Variants in SDC2 observed in about 807,000 individuals in gnomAD.
SDC2 encodes the protein syndecan 2.
In SDC2, 13 loss-of-function variants were observed where a neutral mutation model predicts 22.2. The observed-to-expected ratio is 0.59, with a 90% CI of 0.38 to 0.93. The LOEUF is 0.93. Ranked by LOEUF, SDC2 falls within the 40% of genes least tolerant of loss-of-function variation. The pLI, the probability that SDC2 is intolerant of heterozygous loss-of-function variation, is 0.00. For missense variants in SDC2, 235 were observed against 246.8 expected, an observed-to-expected ratio of 0.95 and a Z score of 0.32; for synonymous variants, 94 against 92.8, an observed-to-expected ratio of 1.01 and a Z score of -0.07.
At chr8:96,544,403 T>G (rs1282645355) in intron 1 of SDC2, among the ~76,000 whole-genome samples, 1 of 152,122 alleles carries the variant, frequency 6.6e-6, no homozygotes, top group Admixed American at 6.5e-5. Context: ...CCTTCCTGCT[T>G]GCTGACTGTC....
chr8:96,565,033 G>T (rs892582446), intron 1 of SDC2, among the ~76,000 whole-genome samples: 1 of 146,356 alleles, frequency 6.8e-6, no homozygotes, highest in Non-Finnish European at 1.5e-5. Flanking sequence ...TAATTTTTAG[G>T]AAAATTACAG....
At chr8:96,535,123 C>T (rs141233725) in intron 1 of SDC2, among the ~76,000 whole-genome samples, 6 of 152,156 alleles carry the variant, frequency 3.9e-5, no homozygotes, top group East Asian at 3.9e-4. Flanking sequence ...AATTCTCCTG[C>T]GTCAGCCTCC....
intron 1 of SDC2, among the ~76,000 whole-genome samples, chr8:96,518,015 C>T (rs1586275869): frequency 6.6e-6 from 1 of 151,912 alleles, no homozygotes; most frequent in East Asian, 1.9e-4. Flanking sequence ...TTTTCTTTTT[C>T]TCTCCCTCCC....
intron 1 of SDC2, among the ~76,000 whole-genome samples, chr8:96,533,778 C>T (rs778665704): frequency 3.3e-5 from 5 of 152,220 alleles, no homozygotes; most frequent in Non-Finnish European, 5.9e-5. Context: ...GCCCAGCTGG[C>T]TTCACCCAAT....
intron 1 of SDC2, among the ~76,000 whole-genome samples, chr8:96,572,236 C>G (rs1422088173): frequency 6.6e-6 from 1 of 152,108 alleles, no homozygotes; most frequent in African/African-American, 2.4e-5. Context: ...CTCCAGAACC[C>G]CTGGTGGAAA....
At chr8:96,526,387 G>A (rs1813578732) in intron 1 of SDC2, among the ~76,000 whole-genome samples, 1 of 150,346 alleles carries the variant, frequency 6.7e-6, no homozygotes, top group Admixed American at 6.6e-5. Context: ...ACGATTGTTT[G>A]TTTCATGTTT....
intron 1 of SDC2, among the ~76,000 whole-genome samples, chr8:96,512,644 G>T (rs1012449994): frequency 6.6e-6 from 1 of 152,096 alleles, no homozygotes; most frequent in African/African-American, 2.4e-5. Flanking sequence ...GGCATTGGGG[G>T]CTATTTACTG....
chr8:96,512,614 G>A (rs568112674), intron 1 of SDC2, among the ~76,000 whole-genome samples: 8 of 152,266 alleles, frequency 5.3e-5, no homozygotes, highest in African/African-American at 1.9e-4. Context: ...GAACATGGGG[G>A]TGCTCAAGCC....
intron 2 of SDC2, among the ~76,000 whole-genome samples, chr8:96,598,320 A>T (rs1016390695): frequency 1.3e-5 from 2 of 152,162 alleles, no homozygotes; most frequent in African/African-American, 4.8e-5. Flanking sequence ...AGAAAATGTT[A>T]TTTTTAAAAA....
At chr8:96,596,069 CT>C (rs1374667512) in intron 2 of SDC2, among the ~76,000 whole-genome samples, 2 of 152,216 alleles carry the variant, frequency 1.3e-5, no homozygotes, top group African/African-American at 2.4e-5. Flanking sequence ...ACTCTAACCC[CT>C]ATAACATCTC....
At chr8:96,535,036 C>T (rs1168937804) in intron 1 of SDC2, among the ~76,000 whole-genome samples, 2 of 151,732 alleles carry the variant, frequency 1.3e-5, no homozygotes, top group Non-Finnish European at 2.9e-5. Flanking sequence ...CAGAGTCTCC[C>T]TCTCTAGCCC....
At chr8:96,526,196 G>T (rs1039476049) in intron 1 of SDC2, among the ~76,000 whole-genome samples, 2 of 152,120 alleles carry the variant, frequency 1.3e-5, no homozygotes, top group African/African-American at 4.8e-5. Context: ...TTTGTTATGG[G>T]CATAAGGAAG....
chr8:96,576,506 G>A lies in SDC2; in HGVS notation c.61-16974G>A, dbSNP rs372277161. The stretch of plus-strand genomic sequence containing the variant: ...GGGACCTCGGCTCACTGCAAGCTCC[G>A]CCTCCCGGATTCATGCCATTCTCCT... On this transcript the variant is annotated intron_variant, in intron 1 of 4. Transcript: ENST00000302190. 4.0e-3 allele frequency among the ~76,000 whole-genome samples: 340 copies of A among 85,826 alleles called. 29 individuals carry two copies. The East Asian group carries it at 0.049, about 12-fold the overall frequency. The allele number at this position is 85,826 out of a possible 152,430, so 56.3% of individuals were successfully genotyped here.
At chr8:96,584,977 C>G (rs1367825265) in intron 1 of SDC2, 1 of 152,224 alleles carries the variant, frequency 6.6e-6, no homozygotes, top group East Asian at 1.9e-4. Context: ...CCTTCTGTCT[C>G]TGGATCAGGA....
intron 1 of SDC2, among the ~76,000 whole-genome samples, chr8:96,593,276 C>G (rs1169980190): frequency 6.6e-6 from 1 of 152,134 alleles, no homozygotes; most frequent in Non-Finnish European, 1.5e-5. Context: ...GTAGGCTTCC[C>G]TTGCAGGTTA....
At chr8:96,597,602 A>G (rs1563676224) in intron 2 of SDC2, among the ~76,000 whole-genome samples, 1 of 152,250 alleles carries the variant, frequency 6.6e-6, no homozygotes, top group Admixed American at 6.5e-5. Context: ...ATTCACAGAA[A>G]AACATAGTAA....
chr8:96,497,889 T>TA (rs1563637622), intron 1 of SDC2, among the ~76,000 whole-genome samples: 13 of 152,340 alleles, frequency 8.5e-5, no homozygotes, highest in Admixed American at 2.6e-4. Context: ...CCCATCCTTT[T>TA]CTTCTTCCCA....
chr8:96,593,449 C>T, intron 1 of SDC2, 31 bp from the exon 2 acceptor site: 1 of 1,456,372 alleles, frequency 6.9e-7, no homozygotes, highest in Non-Finnish European at 9.6e-7. Context: ...AATCTCTCAA[C>T]ATCCTGACTC....
intron 1 of SDC2, among the ~76,000 whole-genome samples, chr8:96,516,469 G>A (rs758304361): frequency 2.0e-5 from 3 of 151,902 alleles, no homozygotes; most frequent in Admixed American, 6.6e-5. Flanking sequence ...CATTTAAAGC[G>A]TAGTTTTTAG....
Sources: gnomAD v4.1 joint callset for allele counts (sites outside exome capture counted in the v4.1 genomes callset) on GRCh38, gnomAD v4.1.1 for gene constraint, MANE v1.5 for transcripts, NCBI Gene and HGNC (gene_info 2026-07-23, HGNC 2026-07-21) for gene names.